Variants in LRBA observed in about 807,000 individuals in gnomAD.
LRBA encodes the protein LPS responsive beige-like anchor protein.
In LRBA, 176 loss-of-function variants were observed where a neutral mutation model predicts 330.0. The ratio of observed to expected loss-of-function variants is 0.53; its 90% CI spans 0.47 to 0.60. LRBA has a LOEUF of 0.60. Ranked by LOEUF, LRBA falls within the 20% of genes least tolerant of loss-of-function variation. LRBA has a pLI of 0.00. For synonymous variants in LRBA, 1,230 were observed against 1,193.0 expected (o/e 1.03, Z -0.64); for missense variants, 3,259 against 3,444.8 (o/e 0.95, Z 1.35).
At chr4:150,567,247 T>C (rs1769253072) in intron 40 of LRBA, among the ~76,000 whole-genome samples, 1 of 152,178 alleles carries the variant, frequency 6.6e-6, no homozygotes, top group South Asian at 2.1e-4. Context: ...CAGATCTCTA[T>C]ATATTATCTG....
At chr4:150,864,139 T>C (rs569704266) in intron 22 of LRBA, among the ~76,000 whole-genome samples, 6 of 152,234 alleles carry the variant, frequency 3.9e-5, no homozygotes, top group East Asian at 1.9e-4. Context: ...GGTTTCACCA[T>C]GTTGGCCAGG....
intron 17 of LRBA, among the ~76,000 whole-genome samples, chr4:150,889,507 G>C (rs998233446): frequency 6.6e-6 from 1 of 152,194 alleles, no homozygotes; most frequent in Non-Finnish European, 1.5e-5. Context: ...CACCAGGCCA[G>C]CAAGCATTAC....
At chr4:151,000,848 A>C (rs1465987252) in intron 2 of LRBA, among the ~76,000 whole-genome samples, 1 of 152,134 alleles carries the variant, frequency 6.6e-6, no homozygotes, top group African/African-American at 2.4e-5. Flanking sequence ...GACAAGAAAC[A>C]CCTAAAGAAA....
chr4:150,656,361 T>A (rs1780188479), intron 37 of LRBA, among the ~76,000 whole-genome samples: 2 of 152,220 alleles, frequency 1.3e-5, no homozygotes, highest in South Asian at 4.1e-4. Context: ...TACTCAGGAG[T>A]TGCTTTTATA....
intron 7 of LRBA, 138 bp downstream of exon 7, chr4:150,916,263 T>G (rs1028434476): frequency 1.4e-5 from 11 of 779,138 alleles, no homozygotes; most frequent in Admixed American, 6.5e-5. Context: ...AATTATTCAG[T>G]GATTTACGCT....
chr4:150,339,480 T>C (rs1735207345), intron 48 of LRBA, among the ~76,000 whole-genome samples: 1 of 152,192 alleles, frequency 6.6e-6, no homozygotes, highest in South Asian at 2.1e-4. Context: ...AAGAAGCAGA[T>C]TCTTTCCCCC....
intron 2 of LRBA, among the ~76,000 whole-genome samples, chr4:150,994,145 A>G (rs754134342): frequency 6.6e-6 from 1 of 152,108 alleles, no homozygotes; most frequent in Non-Finnish European, 1.5e-5. Flanking sequence ...AAGCATAGCT[A>G]AACAATACTA....
chr4:150,760,242 T>G (rs1462952505), intron 35 of LRBA, among the ~76,000 whole-genome samples: 2 of 152,188 alleles, frequency 1.3e-5, no homozygotes, highest in Non-Finnish European at 2.9e-5. Context: ...GAGTAAAGAA[T>G]TAGTCATTAT....
At chr4:150,885,618 C>T (rs1409842520) in intron 17 of LRBA, among the ~76,000 whole-genome samples, 2 of 150,902 alleles carry the variant, frequency 1.3e-5, no homozygotes, top group Admixed American at 1.3e-4. Flanking sequence ...GAGACTCTGT[C>T]TCAAAAAAAA....
chr4:150,855,425 T>C (rs1751107480), intron 22 of LRBA, among the ~76,000 whole-genome samples: 3 of 152,244 alleles, frequency 2.0e-5, no homozygotes, highest in African/African-American at 7.2e-5. Context: ...TAGCCTGTGT[T>C]ATAGAATGAC....
At chr4:150,960,211 C>T (rs1442904792) in intron 2 of LRBA, among the ~76,000 whole-genome samples, 2 of 148,998 alleles carry the variant, frequency 1.3e-5, no homozygotes, top group Non-Finnish European at 2.9e-5. Context: ...TGAGAATCAA[C>T]AGCTGATAAC....
intron 33 of LRBA, among the ~76,000 whole-genome samples, chr4:150,805,747 GT>G (rs1742701348): frequency 6.6e-6 from 1 of 151,960 alleles, no homozygotes; most frequent in Non-Finnish European, 1.5e-5. Flanking sequence ...AAATAGCATG[GT>G]TTCCAATCCC....
At chr4:150,266,189 A>C (rs1049604274) in intron 56 of LRBA, among the ~76,000 whole-genome samples, 2 of 152,228 alleles carry the variant, frequency 1.3e-5, no homozygotes, top group Non-Finnish European at 2.9e-5. Flanking sequence ...CAAAAGAAGG[A>C]ACCACAATCT....
intron 36 of LRBA, among the ~76,000 whole-genome samples, chr4:150,695,445 C>T (rs1439065798): frequency 6.6e-6 from 1 of 152,158 alleles, no homozygotes; most frequent in Non-Finnish European, 1.5e-5. Context: ...ATTTCAGCCT[C>T]ATGAGTAACT....
chr4:150,617,467 C>T (rs892423666), intron 37 of LRBA, among the ~76,000 whole-genome samples: 5 of 151,502 alleles, frequency 3.3e-5, no homozygotes, highest in African/African-American at 1.2e-4. Flanking sequence ...CATGGTGAAA[C>T]CCTGTCTCTA....
chr4:150,775,009 C>CTTGCTGCT (rs1737077487), intron 34 of LRBA, among the ~76,000 whole-genome samples: 1 of 152,166 alleles, frequency 6.6e-6, no homozygotes, highest in African/African-American at 2.4e-5. Flanking sequence ...CACAGTTCTG[C>CTTGCTGCT]TTGCTGCTTT....
intron 47 of LRBA, among the ~76,000 whole-genome samples, chr4:150,392,491 T>G (rs919708055): frequency 6.6e-6 from 1 of 152,164 alleles, no homozygotes; most frequent in South Asian, 2.1e-4. Context: ...CCTAATTATC[T>G]TTATTTCTTA....
At chr4:150,670,271 A>G (rs1781939332) in intron 37 of LRBA, among the ~76,000 whole-genome samples, 1 of 152,230 alleles carries the variant, frequency 6.6e-6, no homozygotes, top group South Asian at 2.1e-4. Flanking sequence ...ATTCTACTGT[A>G]AAGAAGAGCT....
rs77996621 is a variant in LRBA, at chr4:150,762,824, C to T, written c.5581-977G>A. On this transcript the variant is annotated intron_variant, in intron 34 of 56. Coordinates refer to ENST00000651943, the MANE Select transcript of LRBA (RefSeq NM_001364905.1). The stretch of plus-strand genomic sequence containing the variant: ...AAAGGCCATGTCTGGCTACTTACCA[C>T]TGCTCACTATAAACCATATTCATAT... Among the ~76,000 whole-genome samples, 694 of 152,060 alleles carry T rather than the reference C, an allele frequency of 4.6e-3. 6 individuals carry two copies. Among genetic ancestry groups the T allele is most frequent in the African/African-American group, 0.016 (663 of 41,548 alleles).
Sources: gnomAD v4.1 joint callset for allele counts (sites outside exome capture counted in the v4.1 genomes callset) on GRCh38, gnomAD v4.1.1 for gene constraint, MANE v1.5 for transcripts, NCBI Gene and HGNC (gene_info 2026-07-23, HGNC 2026-07-21) for gene names.